ADGRG1: variants seen among roughly 807,000 people sequenced by gnomAD.
ADGRG1 encodes the protein 7-transmembrane protein with no EGF-like N-terminal domains-1.
ADGRG1 carries 53 observed loss-of-function variants against 73.5 expected under a neutral mutation model. The ratio of observed to expected loss-of-function variants is 0.72; its 90% CI spans 0.58 to 0.91. ADGRG1 has a LOEUF of 0.91. ADGRG1 is among the 40% of genes least tolerant of loss of function. The pLI, the probability that ADGRG1 is intolerant of heterozygous loss-of-function variation, is 0.00. For synonymous variants in ADGRG1, 394 were observed against 374.4 expected, an observed-to-expected ratio of 1.05 and a Z score of -0.60; for missense variants, 795 against 871.8, an observed-to-expected ratio of 0.91 and a Z score of 1.11.
chr16:57,646,666 T>C, intron 1 of ADGRG1: 9 of 985,202 alleles, frequency 9.1e-6, no homozygotes, highest in Non-Finnish European at 1.1e-5. Flanking sequence ...TGTGCATCTC[T>C]GGGGCCTTTA....
intron 10 of ADGRG1, among the ~76,000 whole-genome samples, chr16:57,658,414 G>T (rs1013261611): frequency 2.0e-5 from 3 of 152,338 alleles, no homozygotes; most frequent in Non-Finnish European, 4.4e-5. Context: ...GGGTCCACTT[G>T]CCCTCAGCGC....
intron 1 of ADGRG1, chr16:57,637,269 G>T (rs1383940023): frequency 1.0e-5 from 10 of 976,188 alleles, no homozygotes; most frequent in Non-Finnish European, 1.2e-5. Flanking sequence ...GAATGTTGTA[G>T]GTGTGAAGTA....
At chr16:57,644,850 G>GCA (rs1302572003) in intron 1 of ADGRG1, among the ~76,000 whole-genome samples, 1 of 137,636 alleles carries the variant, frequency 7.3e-6, no homozygotes, top group Non-Finnish European at 1.5e-5. Flanking sequence ...CTCATGCAGG[G>GCA]CACACACACC....
chr16:57,660,908 G>C (rs750132005), intron 12 of ADGRG1, 32 bp downstream of exon 12: 6 of 1,303,274 alleles, frequency 4.6e-6, no homozygotes, highest in Middle Eastern at 1.8e-4. Context: ...GGGCAAGAAG[G>C]TGGGTCTCTG....
upstream of ADGRG1, among the ~76,000 whole-genome samples, chr16:57,625,212 G>A (rs1207685973): frequency 1.3e-5 from 2 of 152,152 alleles, no homozygotes; most frequent in East Asian, 3.9e-4. Flanking sequence ...GGCGACCCCA[G>A]TCCCTCACTG....
intron 1 of ADGRG1, chr16:57,645,250 C>G: frequency 1.0e-6 from 1 of 985,432 alleles, no homozygotes; most frequent in African/African-American, 1.7e-5. Flanking sequence ...GGGTCTTCCC[C>G]TCTGCCTCTC....
At position 57,651,615 on chromosome 16, in the gene ADGRG1, C is replaced by T; in HGVS notation, c.480C>T (p.Ser160=). 6.2e-7 allele frequency: 1 copy of T among 1,613,718 alleles called. No individual in the cohort carries two copies. Among genetic ancestry groups the T allele is most frequent in the Non-Finnish European group, 8.5e-7 (1 of 1,179,988 alleles). ...SLPSAASFTF[S]FHSPPHTAAH... is the part of the protein sequence containing the mutation. The stretch of plus-strand genomic sequence containing the variant: ...CCAGTGCCGCCAGCTTCACCTTCTC[C>T]TTCCACAGTAAGGCAACTTCCAGGC... The change falls in exon 3 of 14, where the codon TCC becomes TCT. Residue 160 remains serine, a synonymous_variant. Coordinates refer to ENST00000562631, the MANE Select transcript of ADGRG1 (RefSeq NM_201525.4).
At chr16:57,639,301 G>C (rs985152485) in intron 1 of ADGRG1, 1 of 985,426 alleles carries the variant, frequency 1.0e-6, no homozygotes, top group Non-Finnish European at 1.2e-6. Flanking sequence ...GAGGACTTGG[G>C]AACAGGACAA....
intron 3 of ADGRG1, chr16:57,651,843 G>A (rs1316630313): frequency 6.9e-7 from 1 of 1,447,190 alleles, no homozygotes; most frequent in African/African-American, 1.4e-5. Flanking sequence ...GTCCCTTGAT[G>A]GTTACTTTGT....
intron 2 of ADGRG1, chr16:57,622,162 G>T (rs1240032422): frequency 1.3e-5 from 2 of 152,032 alleles, no homozygotes; most frequent in African/African-American, 4.8e-5. Flanking sequence ...CAGAGAGAGA[G>T]TGGGGAGTTT....
At chr16:57,652,323 T>G (rs1597477029) in intron 3 of ADGRG1, among the ~76,000 whole-genome samples, 1 of 148,862 alleles carries the variant, frequency 6.7e-6, no homozygotes, top group Admixed American at 6.7e-5. Flanking sequence ...TACTGGGGGG[T>G]TTTCATGTCT....
At chr16:57,662,421 C>CTT (rs2047402866) in intron 13 of ADGRG1, among the ~76,000 whole-genome samples, 1 of 151,926 alleles carries the variant, frequency 6.6e-6, no homozygotes, top group Non-Finnish European at 1.5e-5. Context: ...ATGGGGGGGC[C>CTT]TCCCTACTCC....
chr16:57,655,993 G>C lies in ADGRG1; in HGVS notation c.1017+1G>C, dbSNP rs748484609. 6 of 1,614,058 alleles carry C rather than the reference G, an allele frequency of 3.7e-6. No homozygotes were observed. The highest frequency in any genetic ancestry group is 2.5e-6 in the Non-Finnish European group (3 of 1,180,032). On this transcript the variant is annotated splice_donor_variant, in intron 7 of 13. Transcript: ENST00000562631. LOFTEE classifies it high-confidence loss of function. The stretch of plus-strand genomic sequence containing the variant: ...CACTTTCCAGCACCAGCTACAGCCG[G>C]TGAGTGGGGGCCAGCCATCAAGAGA...
Position 57,643,353 on chromosome 16 carries a change from C to T in ADGRG1, c.-35-6900C>T, listed in dbSNP as rs8050037. 12 of 156,372 alleles carry T rather than the reference C, an allele frequency of 7.7e-5. No homozygotes were observed. In the South Asian group the frequency reaches 1.2e-3, roughly 16 times the overall value. The allele number at this position is 156,372 out of a possible 1,614,324, so 9.7% of individuals were successfully genotyped here. On this transcript the variant is annotated intron_variant, in intron 1 of 13. Transcript: ENST00000562631. ...CGCATATGGGAGGCAGCAGGGCAGCCGGCTTTGGACAACTGACTCTCTGGG... is the reference window on the plus strand; with the variant it reads ...CGCATATGGGAGGCAGCAGGGCAGCTGGCTTTGGACAACTGACTCTCTGGG...
intron 2 of ADGRG1, 140 bp from the exon 3 acceptor site, chr16:57,651,060 T>C (rs1197035757): frequency 6.4e-7 from 1 of 1,573,676 alleles, no homozygotes; most frequent in Non-Finnish European, 8.6e-7. Context: ...TGGGAAAGAC[T>C]AACACATTTT....
At chr16:57,644,815 C>T (rs2042072736) in intron 1 of ADGRG1, among the ~76,000 whole-genome samples, 2 of 145,278 alleles carry the variant, frequency 1.4e-5, no homozygotes, top group South Asian at 4.6e-4. Flanking sequence ...CATCACTCCT[C>T]ACACACATGC....
upstream of ADGRG1, among the ~76,000 whole-genome samples, chr16:57,623,611 G>A (rs544451225): frequency 2.8e-4 from 42 of 152,332 alleles, 1 homozygote; most frequent in South Asian, 8.3e-3. Context: ...CCGCATCTTG[G>A]CTAGGCCAGG....
chr16:57,630,019 C>T (rs1443558023), intron 1 of ADGRG1: 1 of 985,060 alleles, frequency 1.0e-6, no homozygotes, highest in Non-Finnish European at 1.2e-6. Context: ...GTAGGAATAG[C>T]CTTTGTTGCT....
chr16:57,637,537 G>T, intron 1 of ADGRG1: 1 of 985,396 alleles, frequency 1.0e-6, no homozygotes, highest in Non-Finnish European at 1.2e-6. Context: ...TGCAACAGAG[G>T]CCGCCTTCTC....
Sources: allele counts gnomAD v4.1 joint callset (sites outside exome capture counted in the v4.1 genomes callset), GRCh38; gene constraint gnomAD v4.1.1; transcripts MANE v1.5; gene names NCBI Gene and HGNC (gene_info 2026-07-23, HGNC 2026-07-21).